Variants in TAF12 observed in about 807,000 individuals in gnomAD.
TAF12 encodes the protein TATA-box binding protein associated factor 12.
TAF12 carries 3 observed loss-of-function variants against 20.8 expected under a neutral mutation model. That is an observed-to-expected ratio of 0.14 (90% CI 0.07 to 0.37). The LOEUF is 0.37. TAF12 is among the 10% of genes least tolerant of loss of function. The probability of loss-of-function intolerance (pLI) is 1.00; values close to 1 mark genes in which losing one functional copy is unlikely to be tolerated. For missense variants in TAF12, 131 were observed against 197.9 expected, an observed-to-expected ratio of 0.66 and a Z score of 2.03; for synonymous variants, 69 against 70.2, an observed-to-expected ratio of 0.98 and a Z score of 0.09.
chr1:28,615,678 C>CAAAAAAAAAAAAAAAAAA (rs57536422), intron 3 of TAF12, among the ~76,000 whole-genome samples: 3 of 34,496 alleles, frequency 8.7e-5, no homozygotes, highest in African/African-American at 3.9e-4. Context: ...GACTCCGTCT[C>CAAAAAAAAAAAAAAAAAA]AAAAAAAAAA....
At chr1:28,617,075 G>A (rs1256246677) in intron 3 of TAF12, among the ~76,000 whole-genome samples, 1 of 152,030 alleles carries the variant, frequency 6.6e-6, no homozygotes, top group African/African-American at 2.4e-5. Context: ...AGCCAAGATC[G>A]CGCCATTGCA....
chr1:28,646,774 C>T (rs539325554), upstream of TAF12, among the ~76,000 whole-genome samples: 149 of 151,178 alleles, frequency 9.9e-4, no homozygotes, highest in Non-Finnish European at 1.5e-3. Context: ...TCTCGGCTCA[C>T]CGCAAGCTCC....
At chr1:28,633,337 T>C (rs1210204960) in intron 1 of TAF12, among the ~76,000 whole-genome samples, 1 of 149,694 alleles carries the variant, frequency 6.7e-6, no homozygotes, top group Non-Finnish European at 1.5e-5. Flanking sequence ...GGGCTAATTT[T>C]TGCATTTTTT....
At chr1:28,646,461 A>C (rs914992285), upstream of TAF12, 2 of 152,212 alleles carry the variant, frequency 1.3e-5, no homozygotes, top group Non-Finnish European at 2.9e-5. Flanking sequence ...TCCATGTATT[A>C]TTAAAATATA....
intron 3 of TAF12, among the ~76,000 whole-genome samples, chr1:28,616,137 C>G (rs1667033763): frequency 6.6e-6 from 1 of 152,094 alleles, no homozygotes; most frequent in Non-Finnish European, 1.5e-5. Flanking sequence ...TGGCTCAGAC[C>G]TATAATCCCA....
At chr1:28,622,360 G>GAAAAA (rs1033224931) in intron 1 of TAF12, among the ~76,000 whole-genome samples, 195 bp from the exon 2 acceptor site, 8 of 77,848 alleles carry the variant, frequency 1.0e-4, no homozygotes, top group East Asian at 3.1e-4. Flanking sequence ...TCTCTACCAA[G>GAAAAA]AAAAAAAAAA....
Position 28,603,538 on chromosome 1 carries a change from G to A in TAF12, c.*1C>T, listed in dbSNP as rs762803090. 1.2e-6 allele frequency: 2 copies of A among 1,613,758 alleles called. No homozygotes were observed. Among genetic ancestry groups the A allele is most frequent in the East Asian group, 2.2e-5 (1 of 44,890 alleles). On this transcript the variant is annotated 3_prime_UTR_variant, in exon 6 of 6. Coordinates refer to ENST00000373824, the MANE Select transcript of TAF12 (RefSeq NM_005644.4). ...TGTCCATTCCCTGACCTTTCCGTGT[G>A]TTATTTCTTGGTTGTTTTCCGGATC... is the stretch of plus-strand genomic sequence containing the variant.
At chr1:28,637,491 C>T (rs867862165) in intron 1 of TAF12, among the ~76,000 whole-genome samples, 5 of 152,050 alleles carry the variant, frequency 3.3e-5, no homozygotes, top group Middle Eastern at 3.4e-3. Context: ...ATGGTGAAAC[C>T]CTGTCTCTAC....
At chr1:28,625,537 A>ATTTTTT (rs753920655) in intron 1 of TAF12, among the ~76,000 whole-genome samples, 1 of 133,440 alleles carries the variant, frequency 7.5e-6, no homozygotes, top group Non-Finnish European at 1.6e-5. Flanking sequence ...CACCCAGCTA[A>ATTTTTT]TTTTTTTTTT....
chr1:28,637,643 C>G (rs1040687214), intron 1 of TAF12, among the ~76,000 whole-genome samples: 40 of 151,842 alleles, frequency 2.6e-4, no homozygotes, highest in Non-Finnish European at 4.3e-4. Context: ...CCAGCCTGGG[C>G]GACAGAGCAA....
chr1:28,634,796 G>T (rs914608808), intron 1 of TAF12, among the ~76,000 whole-genome samples: 3 of 152,028 alleles, frequency 2.0e-5, no homozygotes, highest in Non-Finnish European at 4.4e-5. Context: ...GGGCATGGTG[G>T]GGTATTCCTG....
intron 4 of TAF12, 32 bp downstream of exon 4, chr1:28,613,215 T>C: frequency 6.4e-7 from 1 of 1,560,110 alleles, no homozygotes; most frequent in South Asian, 1.2e-5. Flanking sequence ...AGCAGTTGAA[T>C]CCATACTTCA....
chr1:28,613,596 C>T (rs961560145), intron 3 of TAF12, among the ~76,000 whole-genome samples: 3 of 152,218 alleles, frequency 2.0e-5, no homozygotes, highest in African/African-American at 7.2e-5. Context: ...CAGTGATCAA[C>T]TATCCCAATC....
intron 1 of TAF12, among the ~76,000 whole-genome samples, chr1:28,627,003 AT>A (rs200720092): frequency 4.0e-5 from 6 of 151,850 alleles, no homozygotes; most frequent in South Asian, 2.1e-4. Context: ...TCAAATTAGG[AT>A]TTTTTTTTCT....
upstream of TAF12, among the ~76,000 whole-genome samples, chr1:28,645,029 G>A (rs1415574366): frequency 6.6e-6 from 1 of 151,688 alleles, no homozygotes; most frequent in Non-Finnish European, 1.5e-5. Flanking sequence ...TTCCCAAGTA[G>A]ATGAATTTTC....
intron 5 of TAF12, 134 bp downstream of exon 5, chr1:28,605,238 A>G (rs1003373169): frequency 9.7e-6 from 8 of 828,524 alleles, no homozygotes; most frequent in Non-Finnish European, 1.6e-5. Flanking sequence ...GCCCTCTCTG[A>G]CCCTTGCTCC....
chr1:28,646,696 ATTTT>A (rs758006645), upstream of TAF12, among the ~76,000 whole-genome samples: 2 of 124,922 alleles, frequency 1.6e-5, no homozygotes, highest in African/African-American at 2.9e-5. Flanking sequence ...CACTCGGCCA[ATTTT>A]TTTTTTTTTT....
chr1:28,620,724 T>C (rs557038194), intron 2 of TAF12, among the ~76,000 whole-genome samples: 39 of 152,218 alleles, frequency 2.6e-4, no homozygotes, highest in Non-Finnish European at 4.1e-4. Flanking sequence ...TGAGCCACCA[T>C]GCCCGGCCGA....
intron 5 of TAF12, among the ~76,000 whole-genome samples, chr1:28,604,220 G>C (rs563024112): frequency 6.6e-6 from 1 of 152,084 alleles, no homozygotes; most frequent in African/African-American, 2.4e-5. Context: ...TGTGTTTTCT[G>C]GGGTCCCCTG....
Sources: allele counts gnomAD v4.1 joint callset (sites outside exome capture counted in the v4.1 genomes callset), GRCh38; gene constraint gnomAD v4.1.1; transcripts MANE v1.5; gene names NCBI Gene and HGNC (gene_info 2026-07-23, HGNC 2026-07-21).